Variants in DPP10 observed in about 807,000 individuals in gnomAD.
The protein encoded by DPP10 is inactive dipeptidyl peptidase 10.
A neutral mutation model predicts 120.9 loss-of-function variants in DPP10; 33 were observed. That is an observed-to-expected ratio of 0.27 (90% confidence interval 0.21 to 0.37). The LOEUF (loss-of-function observed/expected upper bound fraction) is 0.37, where lower values mean the gene tolerates loss of function less well. DPP10 is among the 10% of genes least tolerant of loss of function. The pLI, the probability that DPP10 is intolerant of heterozygous loss-of-function variation, is 1.00. For synonymous variants in DPP10, 337 were observed against 326.1 expected (o/e 1.03, Z -0.36); for missense variants, 816 against 942.8 (o/e 0.87, Z 1.76).
intron 1 of DPP10, among the ~76,000 whole-genome samples, chr2:114,558,891 T>C (rs895658188): frequency 1.6e-4 from 25 of 152,132 alleles, no homozygotes; most frequent in African/African-American, 5.6e-4. Flanking sequence ...TATCCATGAG[T>C]GATTCCAATT....
intron 1 of DPP10, among the ~76,000 whole-genome samples, chr2:115,049,727 G>A (rs998931562): frequency 6.6e-6 from 1 of 152,168 alleles, no homozygotes; most frequent in South Asian, 2.1e-4. Context: ...GAAGAAAATA[G>A]TACATTGTGC....
chr2:115,540,448 A>G (rs1411016028), intron 5 of DPP10, among the ~76,000 whole-genome samples: 1 of 151,894 alleles, frequency 6.6e-6, no homozygotes, highest in Non-Finnish European at 1.5e-5. Context: ...AGTGGGGGAA[A>G]CAAAGCTTGT....
intron 1 of DPP10, among the ~76,000 whole-genome samples, chr2:114,640,065 T>C (rs1695597359): frequency 6.6e-6 from 1 of 151,934 alleles, no homozygotes; most frequent in African/African-American, 2.4e-5. Flanking sequence ...GAACATTGGA[T>C]TGTGCAAAAT....
chr2:115,791,186 T>C lies in DPP10; in HGVS notation c.1630+7T>C. On this transcript the variant is annotated splice_region_variant and intron_variant, in intron 18 of 25. Transcript: ENST00000410059. ...CTTCATATTGACGACTATGGTAAAA[T>C]TTTGTGCATGCTATGTTATTCAAGA... 1.9e-6 allele frequency: 3 copies of C among 1,612,240 alleles called. No individual in the cohort carries two copies. The highest frequency in any genetic ancestry group is 2.2e-5 in the East Asian group (1 of 44,748).
intron 1 of DPP10, among the ~76,000 whole-genome samples, chr2:115,071,326 C>G (rs1205479033): frequency 6.6e-6 from 1 of 152,138 alleles, no homozygotes; most frequent in East Asian, 1.9e-4. Context: ...TCATACAAAG[C>G]AGTGCATGTA....
intron 1 of DPP10, among the ~76,000 whole-genome samples, chr2:114,742,561 A>G (rs1327982114): frequency 2.6e-5 from 4 of 152,038 alleles, no homozygotes; most frequent in Non-Finnish European, 4.4e-5. Flanking sequence ...TGCTTTTTTG[A>G]AATTCTTCTT....
intron 1 of DPP10, among the ~76,000 whole-genome samples, chr2:114,850,246 C>T (rs1298149297): frequency 6.6e-6 from 1 of 151,934 alleles, no homozygotes; most frequent in East Asian, 1.9e-4. Context: ...AGGCTGGTCT[C>T]AAACTCCTGA....
intron 1 of DPP10, among the ~76,000 whole-genome samples, chr2:114,629,549 A>G (rs1009665655): frequency 7.9e-5 from 12 of 152,304 alleles, no homozygotes; most frequent in African/African-American, 2.9e-4. Flanking sequence ...TTTATTAATA[A>G]TAAGATAAAT....
intron 1 of DPP10, among the ~76,000 whole-genome samples, chr2:115,141,780 G>T (rs1172042299): frequency 6.6e-6 from 1 of 152,034 alleles, no homozygotes; most frequent in African/African-American, 2.4e-5. Flanking sequence ...GTTTATTTGT[G>T]TTTGCCTGTT....
At chr2:115,247,767 A>C (rs2058596410) in intron 1 of DPP10, among the ~76,000 whole-genome samples, 1 of 152,280 alleles carries the variant, frequency 6.6e-6, no homozygotes, top group Non-Finnish European at 1.5e-5. Flanking sequence ...AAGAAGGTTG[A>C]TGATGATGGA....
At chr2:115,798,898 C>T (rs1205953336) in intron 19 of DPP10, among the ~76,000 whole-genome samples, 3 of 151,466 alleles carry the variant, frequency 2.0e-5, no homozygotes, top group Non-Finnish European at 4.4e-5. Context: ...AAATTATAAA[C>T]CTGATCTAGC....
chr2:115,056,820 A>G (rs1705959057), intron 1 of DPP10, among the ~76,000 whole-genome samples: 1 of 152,370 alleles, frequency 6.6e-6, no homozygotes, highest in East Asian at 1.9e-4. Flanking sequence ...ATATGGGGAT[A>G]TCGGCTTATA....
At chr2:115,507,623 A>G (rs2077015766) in intron 4 of DPP10, among the ~76,000 whole-genome samples, 1 of 152,142 alleles carries the variant, frequency 6.6e-6, no homozygotes, top group Non-Finnish European at 1.5e-5. Context: ...ATGGGTAGAG[A>G]ATGGTACAAG....
intron 5 of DPP10, among the ~76,000 whole-genome samples, chr2:115,672,551 C>A (rs559220556): frequency 6.6e-6 from 1 of 152,080 alleles, no homozygotes; most frequent in South Asian, 2.1e-4. Context: ...CTAACTACAA[C>A]ATTTAAAAAT....
At chr2:114,912,965 T>C (rs1159881518) in intron 1 of DPP10, among the ~76,000 whole-genome samples, 3 of 152,216 alleles carry the variant, frequency 2.0e-5, no homozygotes, top group Non-Finnish European at 4.4e-5. Flanking sequence ...TAGGTGGCTT[T>C]AGCCTGTGTT....
chr2:115,383,550 T>A (rs898982407), intron 3 of DPP10, among the ~76,000 whole-genome samples: 1 of 152,212 alleles, frequency 6.6e-6, no homozygotes, highest in African/African-American at 2.4e-5. Context: ...TTTGCATAAA[T>A]TAGTTTTATC....
chr2:114,953,308 C>T (rs1266444934), intron 1 of DPP10, among the ~76,000 whole-genome samples: 1 of 152,018 alleles, frequency 6.6e-6, no homozygotes, highest in Non-Finnish European at 1.5e-5. Flanking sequence ...TAAAGTCTAT[C>T]TTTTTTATTA....
intron 1 of DPP10, among the ~76,000 whole-genome samples, chr2:114,936,277 A>G (rs759577774): frequency 6.6e-6 from 1 of 152,082 alleles, no homozygotes; most frequent in Non-Finnish European, 1.5e-5. Flanking sequence ...GCTTAGAATA[A>G]TAGTCTCCAA....
intron 1 of DPP10, among the ~76,000 whole-genome samples, chr2:114,757,140 G>T (rs1679830170): frequency 6.7e-6 from 1 of 148,464 alleles, no homozygotes; most frequent in South Asian, 2.2e-4. Context: ...AAAAGGAAGG[G>T]AGAGAGGGGT....
Sources: allele counts gnomAD v4.1 joint callset (sites outside exome capture counted in the v4.1 genomes callset), GRCh38; gene constraint gnomAD v4.1.1; transcripts MANE v1.5; gene names NCBI Gene and HGNC (gene_info 2026-07-23, HGNC 2026-07-21).